The following SMYD3 variants were observed in gnomAD, a reference collection of about 807,000 sequenced individuals.
SMYD3 encodes the protein histone-lysine N-methyltransferase SMYD3.
SMYD3 carries 36 observed loss-of-function variants against 57.7 expected under a neutral mutation model. That is an observed-to-expected ratio of 0.62 (90% CI 0.48 to 0.82). The LOEUF is 0.82. Among genes scored for constraint, SMYD3 ranks in the 40% least tolerant of loss-of-function variants. SMYD3 has a pLI of 0.00. For synonymous variants in SMYD3, 211 were observed against 195.0 expected (o/e 1.08, Z -0.68); for missense variants, 515 against 538.8 (o/e 0.96, Z 0.44).
At chr1:246,054,487 C>T (rs1340493779) in intron 5 of SMYD3, among the ~76,000 whole-genome samples, 1 of 152,190 alleles carries the variant, frequency 6.6e-6, no homozygotes, top group South Asian at 2.1e-4. Context: ...GAATGTCCAT[C>T]AGGAGGTTAA....
Position 246,348,060 on chromosome 1 carries a change from T to TTATATATATATATATATATA in SMYD3, c.228+6970_228+6971insTATATATATATATATATATA, listed in dbSNP as rs200573424. Among the ~76,000 whole-genome samples, 146 of 82,924 alleles carry TTATATATATATATATATATA rather than the reference T, an allele frequency of 1.8e-3. 6 individuals carry two copies. Among genetic ancestry groups the TTATATATATATATATATATA allele is most frequent in the Middle Eastern group, 7.6e-3 (1 of 132 alleles). The allele number at this position is 82,924 out of a possible 152,430, so 54.4% of individuals were successfully genotyped here. ...ATTGGTGGACTGAATAAAGAAAACG[T>TTATATATATATATATATATA]TATATATATATATATATACACACAC... On this transcript the variant is annotated intron_variant, in intron 2 of 11. Transcript: ENST00000490107.
chr1:245,776,124 C>T (rs1407897615), intron 10 of SMYD3, among the ~76,000 whole-genome samples: 2 of 152,334 alleles, frequency 1.3e-5, no homozygotes, highest in East Asian at 1.9e-4. Context: ...ACTTTCTTTA[C>T]AATTCTTTAA....
chr1:245,985,524 C>T (rs374263676), intron 5 of SMYD3, among the ~76,000 whole-genome samples: 58 of 152,276 alleles, frequency 3.8e-4, no homozygotes, highest in African/African-American at 1.3e-3. Context: ...CATGTCCTTA[C>T]GTCTCAAGCA....
At chr1:246,444,575 G>A (rs1337057104) in intron 1 of SMYD3, among the ~76,000 whole-genome samples, 1 of 152,224 alleles carries the variant, frequency 6.6e-6, no homozygotes, top group Non-Finnish European at 1.5e-5. Flanking sequence ...TGTGAATGGA[G>A]AGGTAGGAAG....
intron 5 of SMYD3, among the ~76,000 whole-genome samples, chr1:246,116,575 G>A (rs2061345190): frequency 6.6e-6 from 1 of 152,042 alleles, no homozygotes; most frequent in Non-Finnish European, 1.5e-5. Flanking sequence ...CTTAAACATA[G>A]AATACATCAA....
chr1:245,763,217 C>A (rs933721435), intron 11 of SMYD3, among the ~76,000 whole-genome samples: 1 of 152,230 alleles, frequency 6.6e-6, no homozygotes, highest in African/African-American at 2.4e-5. Flanking sequence ...CCTCCCTCCT[C>A]CTTCCCTCAA....
intron 5 of SMYD3, among the ~76,000 whole-genome samples, chr1:246,283,125 G>A (rs2064488663): frequency 6.6e-6 from 1 of 152,206 alleles, no homozygotes; most frequent in South Asian, 2.1e-4. Flanking sequence ...GAGGGAGCAT[G>A]TAACCCCCCA....
At chr1:245,753,019 G>T (rs1422672144) in intron 11 of SMYD3, among the ~76,000 whole-genome samples, 1 of 152,198 alleles carries the variant, frequency 6.6e-6, no homozygotes, top group African/African-American at 2.4e-5. Context: ...TGGCTGCAGA[G>T]ATACCCTGAG....
chr1:246,256,763 C>A (rs2063901861), intron 5 of SMYD3, among the ~76,000 whole-genome samples: 3 of 147,018 alleles, frequency 2.0e-5, no homozygotes, highest in African/African-American at 7.4e-5. Flanking sequence ...AGTATTAAAT[C>A]ATTAAATTGG....
chr1:245,894,391 A>AC (rs972249680), intron 8 of SMYD3, among the ~76,000 whole-genome samples: 1 of 151,948 alleles, frequency 6.6e-6, no homozygotes, highest in African/African-American at 2.4e-5. Flanking sequence ...AAACCTGGCC[A>AC]CCCCAACCAG....
chr1:246,234,457 C>T (rs944000003), intron 5 of SMYD3, among the ~76,000 whole-genome samples: 1 of 152,156 alleles, frequency 6.6e-6, no homozygotes, highest in Admixed American at 6.5e-5. Flanking sequence ...AGAAGTACTC[C>T]TTCCGTTAAC....
At chr1:246,193,357 A>T (rs377506870) in intron 5 of SMYD3, among the ~76,000 whole-genome samples, 1 of 152,244 alleles carries the variant, frequency 6.6e-6, no homozygotes, top group African/African-American at 2.4e-5. Flanking sequence ...ACTTGTCCAT[A>T]AAAAGCAAAA....
chr1:246,481,625 T>TATATATATATATATATAC (rs1459254899), intron 1 of SMYD3, among the ~76,000 whole-genome samples: 9 of 90,418 alleles, frequency 1.0e-4, no homozygotes, highest in African/African-American at 2.8e-4. Context: ...CATATATACA[T>TATATATATATATATATAC]ACATACATAC....
chr1:245,779,694 T>C (rs2046754198), intron 10 of SMYD3, among the ~76,000 whole-genome samples: 1 of 152,248 alleles, frequency 6.6e-6, no homozygotes, highest in African/African-American at 2.4e-5. Context: ...TGACAGTTTT[T>C]GGCTAAAATC....
At chr1:246,107,557 C>G (rs1487324594) in intron 5 of SMYD3, among the ~76,000 whole-genome samples, 1 of 151,514 alleles carries the variant, frequency 6.6e-6, no homozygotes, top group East Asian at 1.9e-4. Flanking sequence ...AATAAATGCT[C>G]AGGTCTTCCC....
At position 246,002,846 on chromosome 1, in the gene SMYD3, C is replaced by T. The variant is rs572406134; in HGVS notation, c.532-72909G>A. Among the ~76,000 whole-genome samples the T allele has an allele frequency of 7.2e-5, 11 of 151,998 alleles. No individual in the cohort carries two copies. In the South Asian group the frequency reaches 1.7e-3, roughly 23 times the overall value. On this transcript the variant is annotated intron_variant, in intron 5 of 11. Coordinates refer to ENST00000490107, the MANE Select transcript of SMYD3 (RefSeq NM_001167740.2). Reference sequence around the variant, plus strand: ...CTCACCGCAGCCTCGACCTCCTGGGCTCCAGTGATCCTTCCACCTCCCTCT... The same window carrying T: ...CTCACCGCAGCCTCGACCTCCTGGGTTCCAGTGATCCTTCCACCTCCCTCT...
At chr1:246,011,731 C>T (rs1243301439) in intron 5 of SMYD3, among the ~76,000 whole-genome samples, 1 of 152,174 alleles carries the variant, frequency 6.6e-6, no homozygotes, top group Non-Finnish European at 1.5e-5. Context: ...GGGGCACTGG[C>T]TCTAGCATTA....
rs566524192 is a variant in SMYD3, at chr1:246,218,095, C to T, written c.531+109106G>A. ...ATGAGTTGCAGTTACATGACCATCA[C>T]GAATAAATCTCAGAATACTAGGTCA... On this transcript the variant is annotated intron_variant, in intron 5 of 11. Transcript: ENST00000490107. 2.6e-5 allele frequency among the ~76,000 whole-genome samples: 4 copies of T among 152,084 alleles called. 1 individual carries two copies. Among genetic ancestry groups the T allele is most frequent in the South Asian group, 4.1e-4 (2 of 4,826 alleles).
At chr1:245,829,794 A>G (rs1460880001) in intron 10 of SMYD3, among the ~76,000 whole-genome samples, 1 of 152,256 alleles carries the variant, frequency 6.6e-6, no homozygotes, top group East Asian at 1.9e-4. Flanking sequence ...ACTTGGCAAA[A>G]AAAGAAAATA....
Sources: gnomAD v4.1 joint callset for allele counts (sites outside exome capture counted in the v4.1 genomes callset) on GRCh38, gnomAD v4.1.1 for gene constraint, MANE v1.5 for transcripts, NCBI Gene and HGNC (gene_info 2026-07-23, HGNC 2026-07-21) for gene names.